The following GPC5 variants were observed in gnomAD, a reference collection of about 807,000 sequenced individuals.
GPC5 encodes the protein glypican-5.
Under a neutral mutation model 53.9 loss-of-function variants are expected in GPC5, and 47 were observed. The ratio of observed to expected loss-of-function variants is 0.87; its 90% CI spans 0.69 to 1.11. GPC5 has a LOEUF of 1.11. GPC5 is among the 50% of genes most tolerant of loss of function. The pLI, the probability that GPC5 is intolerant of heterozygous loss-of-function variation, is 0.00. For synonymous variants in GPC5, 286 were observed against 263.3 expected, an observed-to-expected ratio of 1.09 and a Z score of -0.84; for missense variants, 748 against 713.1, an observed-to-expected ratio of 1.05 and a Z score of -0.56.
chr13:92,694,763 C>T (rs1162776856), intron 7 of GPC5, among the ~76,000 whole-genome samples: 2 of 152,096 alleles, frequency 1.3e-5, no homozygotes, highest in East Asian at 3.9e-4. Flanking sequence ...TTGGGGGATT[C>T]TTGGGAAGAC....
intron 2 of GPC5, among the ~76,000 whole-genome samples, chr13:91,689,178 TATATAA>T (rs1363586886): frequency 1.8e-4 from 13 of 73,526 alleles, no homozygotes; most frequent in South Asian, 4.8e-4. Context: ...CAAAAAATCA[TATATAA>T]ATATATATAT....
intron 6 of GPC5, among the ~76,000 whole-genome samples, chr13:92,105,405 C>A (rs1242624110): frequency 6.6e-6 from 1 of 152,068 alleles, no homozygotes; most frequent in Admixed American, 6.6e-5. Flanking sequence ...CAAATGAAAT[C>A]TTTAACTTTC....
At chr13:92,758,043 T>C (rs983181499) in intron 7 of GPC5, among the ~76,000 whole-genome samples, 5 of 150,786 alleles carry the variant, frequency 3.3e-5, no homozygotes, top group African/African-American at 1.2e-4. Flanking sequence ...GTATGTTTAT[T>C]GTGGCACTAT....
intron 7 of GPC5, among the ~76,000 whole-genome samples, chr13:92,184,958 G>A (rs1035884848): frequency 3.3e-5 from 5 of 152,154 alleles, no homozygotes; most frequent in African/African-American, 1.2e-4. Flanking sequence ...GTAATTTGCT[G>A]AAAAGGTAAA....
chr13:91,977,180 T>C (rs764386541), intron 6 of GPC5, among the ~76,000 whole-genome samples: 1 of 152,180 alleles, frequency 6.6e-6, no homozygotes, highest in Non-Finnish European at 1.5e-5. Flanking sequence ...AAAAATATGA[T>C]ATGTAAATAA....
In GPC5 at chr13:91,614,179, A is replaced by G. The variant is rs73603979; in HGVS notation, c.326-79008A>G. Among the ~76,000 whole-genome samples, 212 of 152,310 alleles carry G rather than the reference A, an allele frequency of 1.4e-3. 1 individual carries two copies. The highest frequency in any genetic ancestry group is 4.9e-3 in the African/African-American group (204 of 41,582). ...TGGGAGATGCAATCACAGAGGAAAC[A>G]TGAGCCTGGGAATTTTTTCTGCAAA... is the stretch of plus-strand genomic sequence containing the variant. On this transcript the variant is annotated intron_variant, in intron 2 of 7. Transcript: ENST00000377067.
At chr13:92,663,576 AATATAT>A (rs371066796) in intron 7 of GPC5, among the ~76,000 whole-genome samples, 3 of 134,328 alleles carry the variant, frequency 2.2e-5, no homozygotes, top group African/African-American at 8.3e-5. Context: ...GTTTCTACTA[AATATAT>A]ATATATATAT....
intron 6 of GPC5, among the ~76,000 whole-genome samples, chr13:92,118,476 A>G (rs1335067950): frequency 1.3e-5 from 2 of 152,172 alleles, no homozygotes; most frequent in Non-Finnish European, 2.9e-5. Context: ...CTGCCACTAC[A>G]CAGCTAGTAT....
chr13:91,967,789 T>C (rs1251496273), intron 6 of GPC5, among the ~76,000 whole-genome samples: 2 of 152,126 alleles, frequency 1.3e-5, no homozygotes, highest in Non-Finnish European at 2.9e-5. Context: ...TAATATTTAT[T>C]AGCATGTAAT....
At chr13:92,006,537 G>T (rs1005368180) in intron 6 of GPC5, among the ~76,000 whole-genome samples, 3 of 152,084 alleles carry the variant, frequency 2.0e-5, no homozygotes, top group Non-Finnish European at 2.9e-5. Flanking sequence ...TACTACCTTT[G>T]TCTTATACTA....
At chr13:92,714,476 A>T (rs1888258274) in intron 7 of GPC5, among the ~76,000 whole-genome samples, 1 of 152,196 alleles carries the variant, frequency 6.6e-6, no homozygotes, top group Non-Finnish European at 1.5e-5. Context: ...TATAAAGAAC[A>T]TTGCCATCAA....
At chr13:92,436,204 A>G (rs960254389) in intron 7 of GPC5, among the ~76,000 whole-genome samples, 1 of 152,184 alleles carries the variant, frequency 6.6e-6, no homozygotes, top group African/African-American at 2.4e-5. Flanking sequence ...TGTGTTATGA[A>G]TTGAACTGTT....
intron 7 of GPC5, among the ~76,000 whole-genome samples, chr13:92,527,257 A>G (rs200759740): frequency 5.5e-5 from 5 of 90,988 alleles, no homozygotes; most frequent in African/African-American, 2.4e-4. Flanking sequence ...AAGAGAAAGA[A>G]AGAAAGAAAG....
chr13:92,491,484 T>G (rs913266370), intron 7 of GPC5, among the ~76,000 whole-genome samples: 7 of 152,170 alleles, frequency 4.6e-5, no homozygotes, highest in African/African-American at 1.7e-4. Context: ...ACATATTTGA[T>G]CAATATTTTC....
intron 2 of GPC5, among the ~76,000 whole-genome samples, chr13:91,503,780 A>AAATAATAACAAT (rs1884781628): frequency 3.0e-5 from 4 of 132,898 alleles, no homozygotes; most frequent in African/African-American, 8.6e-5. Flanking sequence ...CTCTGTCTCA[A>AAATAATAACAAT]AATAATAATA....
chr13:92,284,684 T>C (rs1011927645), intron 7 of GPC5, among the ~76,000 whole-genome samples: 1 of 152,132 alleles, frequency 6.6e-6, no homozygotes, highest in African/African-American at 2.4e-5. Context: ...TCTGACAAAA[T>C]TCAACAGCCC....
intron 7 of GPC5, chr13:92,241,556 A>C (rs765755959): frequency 1.3e-5 from 2 of 152,214 alleles, no homozygotes; most frequent in Admixed American, 1.3e-4. Context: ...ACATAGATTG[A>C]AAATCATTAC....
At chr13:92,413,513 A>G (rs554435124) in intron 7 of GPC5, among the ~76,000 whole-genome samples, 116 of 152,336 alleles carry the variant, frequency 7.6e-4, no homozygotes, top group Non-Finnish European at 1.4e-3. Flanking sequence ...ATGTTTACTT[A>G]GGGATATCAG....
intron 7 of GPC5, among the ~76,000 whole-genome samples, chr13:92,385,515 C>CATAT (rs1566567755): frequency 3.0e-5 from 4 of 133,306 alleles, no homozygotes; most frequent in Non-Finnish European, 6.2e-5. Flanking sequence ...TACATATATA[C>CATAT]ATACATATGC....
Sources: gnomAD v4.1 joint callset for allele counts (sites outside exome capture counted in the v4.1 genomes callset) on GRCh38, gnomAD v4.1.1 for gene constraint, MANE v1.5 for transcripts, NCBI Gene and HGNC (gene_info 2026-07-23, HGNC 2026-07-21) for gene names.